ARMCX4: variants seen among roughly 807,000 people sequenced by gnomAD.
ARMCX4 encodes armadillo repeat-containing X-linked protein 4.
In ARMCX4, 3 loss-of-function variants were observed where a neutral mutation model predicts 34.7. The ratio of observed to expected loss-of-function variants is 0.09; its 90% confidence interval spans 0.04 to 0.22. The LOEUF (loss-of-function observed/expected upper bound fraction) is 0.22, where lower values mean the gene tolerates loss of function less well. ARMCX4 is among the 10% of genes least tolerant of loss of function. ARMCX4 has a pLI of 1.00. For synonymous variants in ARMCX4, 513 were observed against 632.8 expected, an observed-to-expected ratio of 0.81 and a Z score of 2.84; for missense variants, 1,448 against 1,720.8, an observed-to-expected ratio of 0.84 and a Z score of 2.81.
At chrX:101,459,253 C>T (rs1932489871) in intron 4 of ARMCX4, among the ~76,000 whole-genome samples, 1 of 111,933 alleles carries the variant, frequency 8.9e-6, no homozygotes, top group Non-Finnish European at 1.9e-5. Context: ...TTAACTTCTG[C>T]AGGAGCGGGT....
At position 101,491,983 on chromosome X, in the gene ARMCX4, G is replaced by A; in HGVS notation, c.3394G>A (p.Asp1132Asn). The A allele has an allele frequency of 8.7e-7, 1 of 1,154,915 alleles. No homozygotes were observed. Among genetic ancestry groups the A allele is most frequent in the Non-Finnish European group, 1.1e-6 (1 of 871,638 alleles). ...GGAAAATAGCGTGTCCTGGGCTGATGATGAGAATGAAGCCAGTATTGGGTC... is the reference window on the plus strand; with the variant it reads ...GGAAAATAGCGTGTCCTGGGCTGATAATGAGAATGAAGCCAGTATTGGGTC... ...DWENSVSWAD[D>N]ENEASIGSWS... Residue 1132 changes from aspartate to asparagine, a missense_variant, in exon 6 of 6, where the codon GAT (aspartate) becomes AAT (asparagine). By Grantham distance (23) the Asp-to-Asn change is conservative. Around this residue, in one of 2 missense-constraint regions of ARMCX4, gnomAD observed 1,343 missense variants for 1,540.7 expected, o/e 0.87. Transcript: ENST00000423738.
At chrX:101,531,390 T>C (rs1935125248) in intron 11 of ARMCX4, among the ~76,000 whole-genome samples, 1 of 112,151 alleles carries the variant, frequency 8.9e-6, no homozygotes, top group Non-Finnish European at 1.9e-5. Flanking sequence ...TCAATAATTC[T>C]TATACAATTT....
intron 4 of ARMCX4, among the ~76,000 whole-genome samples, chrX:101,469,474 G>T (rs1556002629): frequency 1.8e-5 from 2 of 111,471 alleles, no homozygotes; most frequent in Non-Finnish European, 3.8e-5. Flanking sequence ...ATTTCTATAG[G>T]TACATATATA....
chrX:101,433,041 C>CACATGTGTATACATACACGTGTATATAT (rs1930310855), intron 2 of ARMCX4, among the ~76,000 whole-genome samples: 2 of 67,347 alleles, frequency 3.0e-5, no homozygotes, highest in Non-Finnish European at 6.2e-5. Flanking sequence ...CGTGTATATA[C>CACATGTGTATACATACACGTGTATATAT]ACACATATGT....
chrX:101,423,727 A>G (rs1352436990), intron 2 of ARMCX4, among the ~76,000 whole-genome samples: 1 of 111,789 alleles, frequency 8.9e-6, no homozygotes, highest in African/African-American at 3.3e-5. Flanking sequence ...TGGTCAAGGC[A>G]GGATTAGAGA....
chrX:101,494,374 G>C lies in ARMCX4; in HGVS notation c.5785G>C (p.Gly1929Arg). Residue 1929 changes from glycine (G) to arginine (R), a missense_variant, in exon 6 of 6, where the codon GGG becomes CGG. Coordinates refer to ENST00000423738, the MANE Select transcript of ARMCX4 (RefSeq NM_001256155.3). Reference protein sequence around the residue: ...GKDASFESGAGDNTSIKDKFE... With the variant: ...GKDASFESGARDNTSIKDKFE... The stretch of plus-strand genomic sequence containing the variant: ...AGATGCCAGTTTTGAGTCTGGAGCT[G>C]GGGATAACACCAGCATCAAGGATAA... 1 of 1,155,404 alleles carries C rather than the reference G, an allele frequency of 8.7e-7. No homozygotes were observed. Among genetic ancestry groups the C allele is most frequent in the Non-Finnish European group, 1.1e-6 (1 of 872,505 alleles).
At chrX:101,512,996 T>G (rs1389063163) in intron 11 of ARMCX4, among the ~76,000 whole-genome samples, 3 of 108,394 alleles carry the variant, frequency 2.8e-5, no homozygotes, top group African/African-American at 1.0e-4. Flanking sequence ...AGGTAAGAGT[T>G]GATGTTGTGA....
chrX:101,500,621 C>T (rs1432900109), downstream of ARMCX4, among the ~76,000 whole-genome samples: 1 of 112,308 alleles, frequency 8.9e-6, no homozygotes, highest in East Asian at 2.8e-4. Flanking sequence ...GCATACCAGA[C>T]ATGATATCTT....
chrX:101,494,138 G>C lies in ARMCX4; in HGVS notation c.5549G>C (p.Gly1850Ala). 2 of 1,087,746 alleles carry C rather than the reference G, an allele frequency of 1.8e-6. No homozygotes were observed. Among genetic ancestry groups the C allele is most frequent in the Non-Finnish European group, 2.4e-6 (2 of 833,813 alleles). The allele number at this position is 1,087,746 out of a possible 1,213,427, so 89.6% of individuals were successfully genotyped here. Reference sequence around the variant, plus strand: ...GGGCCTGGGACTGAGTCTGGGGCTGGGATTTGGTCCTGGGATGGAGATGCA... The same window carrying C: ...GGGCCTGGGACTGAGTCTGGGGCTGCGATTTGGTCCTGGGATGGAGATGCA... ...GAGPGTESGAGIWSWDGDATT... is the reference protein window; with the variant it reads ...GAGPGTESGAAIWSWDGDATT... The change falls in exon 6 of 6, where the codon GGG (glycine) becomes GCG (alanine). Residue 1850 changes from glycine to alanine, a missense_variant. Around this residue, in one of 2 missense-constraint regions of ARMCX4, gnomAD observed 1,343 missense variants for 1,540.7 expected, o/e 0.87. Coordinates refer to ENST00000423738, the MANE Select transcript of ARMCX4 (RefSeq NM_001256155.3).
intron 7 of ARMCX4, among the ~76,000 whole-genome samples, chrX:101,502,689 C>T (rs1934328021): frequency 9.0e-6 from 1 of 111,521 alleles, no homozygotes; most frequent in Non-Finnish European, 1.9e-5. Context: ...ACACCAGATC[C>T]TATGTGACAC....
At chrX:101,462,314 G>C (rs1454245896) in intron 4 of ARMCX4, among the ~76,000 whole-genome samples, 1 of 111,069 alleles carries the variant, frequency 9.0e-6, no homozygotes, top group Non-Finnish European at 1.9e-5. Flanking sequence ...TTTTTGGCTT[G>C]TTTGAAATTT....
chrX:101,441,773 G>A (rs1361588388), intron 2 of ARMCX4, among the ~76,000 whole-genome samples: 2 of 111,240 alleles, frequency 1.8e-5, no homozygotes, highest in East Asian at 2.8e-4. Flanking sequence ...CACAATAATC[G>A]TGGCCTAAGA....
intron 4 of ARMCX4, among the ~76,000 whole-genome samples, chrX:101,475,973 T>C (rs1933169235): frequency 9.0e-6 from 1 of 111,191 alleles, no homozygotes; most frequent in South Asian, 3.8e-4. Flanking sequence ...AATTTCACAA[T>C]TGATGTGCTT....
intron 4 of ARMCX4, among the ~76,000 whole-genome samples, chrX:101,463,933 T>C (rs1260607243): frequency 2.7e-5 from 3 of 110,218 alleles, no homozygotes; most frequent in Non-Finnish European, 5.7e-5. Context: ...TTTTTTGGTA[T>C]TTTTGGTAGA....
chrX:101,460,916 G>GTT (rs1253043961), intron 4 of ARMCX4, among the ~76,000 whole-genome samples: 1 of 111,196 alleles, frequency 9.0e-6, no homozygotes, highest in Non-Finnish European at 1.9e-5. Context: ...TGGTAGTTAG[G>GTT]AGAGGCTTAA....
chrX:101,521,750 T>C, intron 11 of ARMCX4, among the ~76,000 whole-genome samples: 1 of 111,545 alleles, frequency 9.0e-6, no homozygotes, highest in Non-Finnish European at 1.9e-5. Context: ...CAAAATATTT[T>C]CTAACTTATT....
chrX:101,508,802 C>A (rs781935250), intron 8 of ARMCX4, among the ~76,000 whole-genome samples: 5 of 111,475 alleles, frequency 4.5e-5, no homozygotes, highest in Non-Finnish European at 5.7e-5. Flanking sequence ...AGTTTTAAGT[C>A]ACTGACTTCC....
chrX:101,530,369 G>T (rs1361508540), intron 11 of ARMCX4, among the ~76,000 whole-genome samples: 1 of 111,462 alleles, frequency 9.0e-6, no homozygotes, highest in Non-Finnish European at 1.9e-5. Context: ...AGCATTAGGA[G>T]AAATACCTAA....
intron 2 of ARMCX4, among the ~76,000 whole-genome samples, chrX:101,438,256 GT>G (rs1211901708): frequency 9.0e-6 from 1 of 111,655 alleles, no homozygotes; most frequent in Non-Finnish European, 1.9e-5. Flanking sequence ...AATGTTGACA[GT>G]GGGGTGTTAA....
Sources: allele counts gnomAD v4.1 joint callset (sites outside exome capture counted in the v4.1 genomes callset), GRCh38; gene constraint gnomAD v4.1.1; regional missense constraint gnomAD v4.1.1; transcripts MANE v1.5; gene names NCBI Gene and HGNC (gene_info 2026-07-23, HGNC 2026-07-21).